TMEFF1: variants seen among roughly 807,000 people sequenced by gnomAD.
The protein encoded by TMEFF1 is tomoregulin-1.
TMEFF1 carries 20 observed loss-of-function variants against 47.5 expected under a neutral mutation model. The ratio of observed to expected loss-of-function variants is 0.42; its 90% CI spans 0.30 to 0.61. The LOEUF is 0.61. Ranked by LOEUF, TMEFF1 falls within the 20% of genes least tolerant of loss-of-function variation. The probability of loss-of-function intolerance (pLI) is 0.19; values close to 1 mark genes in which losing one functional copy is unlikely to be tolerated. For missense variants in TMEFF1, 411 were observed against 471.1 expected (o/e 0.87, Z 1.18); for synonymous variants, 162 against 166.3 (o/e 0.97, Z 0.20).
intron 5 of TMEFF1, among the ~76,000 whole-genome samples, chr9:100,526,803 A>T (rs1838261662): frequency 6.6e-6 from 1 of 151,544 alleles, no homozygotes; most frequent in East Asian, 1.9e-4. Context: ...TCTCTGGATG[A>T]CTTTGTGTAA....
chr9:100,561,531 G>A lies in TMEFF1; in HGVS notation c.899+11G>A, dbSNP rs373447396. On this transcript the variant is annotated intron_variant, in intron 8 of 9. Transcript: ENST00000374879. Reference sequence around the variant, plus strand: ...GAAGGCTTCTTGTAGGTAAGTCAGCGCTTCCAGATCAGTGGTGAGCATTTT... The same window carrying A: ...GAAGGCTTCTTGTAGGTAAGTCAGCACTTCCAGATCAGTGGTGAGCATTTT... 44 of 1,608,640 alleles carry A rather than the reference G, an allele frequency of 2.7e-5. 1 individual carries two copies. Among genetic ancestry groups the A allele is most frequent in the African/African-American group, 2.5e-4 (19 of 74,688 alleles).
chr9:100,495,104 C>A (rs1564010037), intron 1 of TMEFF1, among the ~76,000 whole-genome samples: 2 of 152,026 alleles, frequency 1.3e-5, no homozygotes. Context: ...AATGAAGGCA[C>A]ACCCTAGTCC....
chr9:100,529,637 A>G (rs975018094), intron 5 of TMEFF1, among the ~76,000 whole-genome samples: 1 of 152,174 alleles, frequency 6.6e-6, no homozygotes, highest in Admixed American at 6.5e-5. Context: ...CCACACATTA[A>G]TAATGGGAGA....
At chr9:100,533,164 A>G (rs1838430504) in intron 5 of TMEFF1, among the ~76,000 whole-genome samples, 1 of 151,850 alleles carries the variant, frequency 6.6e-6, no homozygotes, top group Admixed American at 6.6e-5. Flanking sequence ...GGTGCAGCGC[A>G]CCAGCATGGC....
chr9:100,475,715 CTGTG>C (rs3055671), intron 1 of TMEFF1, among the ~76,000 whole-genome samples: 30,609 of 140,672 alleles, frequency 0.22, 3,277 homozygotes, highest in Non-Finnish European at 0.27. Flanking sequence ...TGCAGAGCGA[CTGTG>C]TGTGTGTGTG....
At chr9:100,496,769 C>T (rs866190012) in intron 1 of TMEFF1, among the ~76,000 whole-genome samples, 1 of 152,146 alleles carries the variant, frequency 6.6e-6, no homozygotes, top group Admixed American at 6.6e-5. Context: ...TATCTTGCCT[C>T]GCAGACAAAA....
At chr9:100,518,720 A>G (rs1221270050) in intron 5 of TMEFF1, among the ~76,000 whole-genome samples, 1 of 152,200 alleles carries the variant, frequency 6.6e-6, no homozygotes, top group Non-Finnish European at 1.5e-5. Flanking sequence ...AGTTGTTTTA[A>G]CAGTGTAAAT....
chr9:100,477,566 C>T (rs1837257696), intron 1 of TMEFF1, among the ~76,000 whole-genome samples: 1 of 150,348 alleles, frequency 6.7e-6, no homozygotes, highest in Non-Finnish European at 1.5e-5. Context: ...TAGAATTTTT[C>T]AGCAGTTACA....
In TMEFF1 at chr9:100,551,009, G is replaced by A. The variant is rs537159798; in HGVS notation, c.775+849G>A. ...CTCTTTGATAGGTAAGGACCAATGG[G>A]AAGATTGAGGATCAATGAGGTTGTA... On this transcript the variant is annotated intron_variant, in intron 7 of 9. Coordinates refer to ENST00000374879, the MANE Select transcript of TMEFF1 (RefSeq NM_003692.5). Among the ~76,000 whole-genome samples, 268 of 152,338 alleles carry A rather than the reference G, an allele frequency of 1.8e-3. 1 individual carries two copies. Among genetic ancestry groups the A allele is most frequent in the South Asian group, 3.5e-3 (17 of 4,830 alleles).
chr9:100,478,535 A>G (rs1443301882), intron 1 of TMEFF1, among the ~76,000 whole-genome samples: 1 of 152,236 alleles, frequency 6.6e-6, no homozygotes, highest in Non-Finnish European at 1.5e-5. Flanking sequence ...GGCTGGAACA[A>G]GACTTCTTTT....
chr9:100,556,551 A>T (rs1366533856), intron 7 of TMEFF1, among the ~76,000 whole-genome samples: 1 of 152,188 alleles, frequency 6.6e-6, no homozygotes, highest in African/African-American at 2.4e-5. Context: ...GGAAGTCTAC[A>T]CCAAGTTGAA....
intron 5 of TMEFF1, among the ~76,000 whole-genome samples, chr9:100,529,715 A>C (rs1396916425): frequency 6.6e-6 from 1 of 152,158 alleles, no homozygotes; most frequent in Non-Finnish European, 1.5e-5. Flanking sequence ...ATACCCAGGA[A>C]TTGAACTCAG....
rs1473729508 is a variant in TMEFF1, at chr9:100,572,505, T to A, written c.900-13T>A. The A allele has an allele frequency of 6.4e-7, 1 of 1,561,954 alleles. No homozygotes were observed. Among genetic ancestry groups the A allele is most frequent in the Non-Finnish European group, 8.6e-7 (1 of 1,157,726 alleles). ...GTAATTTTCATAGGAATATATATATTTTTCCTTTTCAGATGTGAATCTGGC... is the reference window on the plus strand; with the variant it reads ...GTAATTTTCATAGGAATATATATATATTTCCTTTTCAGATGTGAATCTGGC... On this transcript the variant is annotated splice_polypyrimidine_tract_variant and intron_variant, in intron 8 of 9. Transcript: ENST00000374879.
In TMEFF1 at chr9:100,550,086, C is replaced by G. The variant is rs1564025357; in HGVS notation, c.710-9C>G. The G allele has an allele frequency of 6.2e-7, 1 of 1,606,438 alleles. No homozygotes were observed. The highest frequency in any genetic ancestry group is 8.5e-7 in the Non-Finnish European group (1 of 1,177,440). ...TATATTTTAATTTGAAAACCGTCTT[C>G]TCTTACAGATACAGATGACACTAGT... On this transcript the variant is annotated splice_polypyrimidine_tract_variant and intron_variant, in intron 6 of 9. Transcript: ENST00000374879.
At chr9:100,504,011 T>C (rs577980543) in intron 2 of TMEFF1, among the ~76,000 whole-genome samples, 9 of 152,328 alleles carry the variant, frequency 5.9e-5, no homozygotes, top group Admixed American at 5.9e-4. Flanking sequence ...ACACAGTAGG[T>C]ACACAATAAA....
chr9:100,569,511 C>T (rs927832266), intron 8 of TMEFF1, among the ~76,000 whole-genome samples: 28 of 150,868 alleles, frequency 1.9e-4, no homozygotes, highest in African/African-American at 6.8e-4. Context: ...TTGATAATGT[C>T]CTTAAGTACA....
At chr9:100,545,983 G>T (rs1257927476) in intron 5 of TMEFF1, among the ~76,000 whole-genome samples, 1 of 152,110 alleles carries the variant, frequency 6.6e-6, no homozygotes, top group Non-Finnish European at 1.5e-5. Context: ...TCAGCATTTT[G>T]GTCAAAGCCA....
chr9:100,546,436 C>CG (rs1279787516), intron 5 of TMEFF1, among the ~76,000 whole-genome samples: 1 of 151,574 alleles, frequency 6.6e-6, no homozygotes, highest in African/African-American at 2.4e-5. Flanking sequence ...CAATCCCCCC[C>CG]CCACCAGGTT....
chr9:100,511,584 A>C (rs1587829197), intron 3 of TMEFF1, among the ~76,000 whole-genome samples: 1 of 152,206 alleles, frequency 6.6e-6, no homozygotes, highest in African/African-American at 2.4e-5. Context: ...TAGAAATACT[A>C]TTCTCTTTTC....
Sources: gnomAD v4.1 joint callset for allele counts (sites outside exome capture counted in the v4.1 genomes callset) on GRCh38, gnomAD v4.1.1 for gene constraint, MANE v1.5 for transcripts, NCBI Gene and HGNC (gene_info 2026-07-23, HGNC 2026-07-21) for gene names.